The following PACRG variants were observed in gnomAD, a reference collection of about 807,000 sequenced individuals.
The protein encoded by PACRG is parkin coregulated gene protein.
PACRG carries 29 observed loss-of-function variants against 29.7 expected under a neutral mutation model. The observed-to-expected ratio is 0.98, with a 90% CI of 0.73 to 1.33. PACRG has a LOEUF of 1.33. Ranked by LOEUF, PACRG falls within the 40% of genes most tolerant of loss-of-function variation. The pLI is 0.00. For synonymous variants in PACRG, 116 were observed against 118.7 expected (o/e 0.98, Z 0.15); for missense variants, 279 against 316.2 (o/e 0.88, Z 0.89).
At chr6:163,173,940 C>T (rs1437162309) in intron 4 of PACRG, among the ~76,000 whole-genome samples, 1 of 152,194 alleles carries the variant, frequency 6.6e-6, no homozygotes, top group African/African-American at 2.4e-5. Context: ...CCCTGGAGCA[C>T]GTATCAGCTG....
chr6:162,907,180 G>A (rs192651175), intron 2 of PACRG, among the ~76,000 whole-genome samples: 9 of 151,992 alleles, frequency 5.9e-5, no homozygotes, highest in Admixed American at 5.2e-4. Context: ...CAGACATTTT[G>A]TCCTGGAAAA....
intron 1 of PACRG, among the ~76,000 whole-genome samples, chr6:162,776,015 A>G (rs1396965398): frequency 6.6e-6 from 1 of 152,222 alleles, no homozygotes; most frequent in Non-Finnish European, 1.5e-5. Context: ...ATATAAAATT[A>G]GGTGAGAAAC....
chr6:163,029,735 G>T (rs1807480568), intron 2 of PACRG, among the ~76,000 whole-genome samples: 1 of 152,162 alleles, frequency 6.6e-6, no homozygotes. Context: ...AAGGGGAGCT[G>T]CAGACCCTCT....
intron 2 of PACRG, among the ~76,000 whole-genome samples, chr6:163,024,300 G>A (rs566778621): frequency 5.9e-5 from 9 of 152,052 alleles, no homozygotes; most frequent in Middle Eastern, 3.2e-3. Context: ...ATGACTAGCC[G>A]GTTATCCCAG....
Position 162,728,367 on chromosome 6 carries a change from C to A in PACRG, c.132C>A (p.Val44=), listed in dbSNP as rs766075235. The change falls in exon 1 of 5, where the codon GTC becomes GTA. Residue 44 remains valine (V), a synonymous_variant. Coordinates refer to ENST00000366888, the MANE Select transcript of PACRG (RefSeq NM_001080379.2). The part of the protein sequence containing the change: ...PHSLVSEGFT[V]KAMMKNSVVR... The stretch of plus-strand genomic sequence containing the variant: ...CTCTGGTTTCTGAGGGTTTCACAGT[C>A]AAAGCCATGATGAAAAACTCAGTCG... 3.7e-6 allele frequency: 6 copies of A among 1,613,192 alleles called. No individual in the cohort carries two copies. The Admixed American group carries it at 1.0e-4, about 27-fold the overall frequency.
chr6:163,291,645 G>T (rs1199153082), intron 4 of PACRG, among the ~76,000 whole-genome samples: 1 of 152,262 alleles, frequency 6.6e-6, no homozygotes, highest in Non-Finnish European at 1.5e-5. Flanking sequence ...TATTTTCACA[G>T]TAACTTCAGA....
At chr6:162,924,980 G>A (rs1157808400) in intron 2 of PACRG, among the ~76,000 whole-genome samples, 3 of 152,004 alleles carry the variant, frequency 2.0e-5, no homozygotes, top group Middle Eastern at 3.2e-3. Flanking sequence ...AATAATAAAG[G>A]AGATATCACC....
intron 2 of PACRG, among the ~76,000 whole-genome samples, chr6:163,059,190 T>C (rs914465520): frequency 7.2e-5 from 11 of 152,348 alleles, no homozygotes; most frequent in African/African-American, 2.2e-4. Flanking sequence ...AGAGATAATT[T>C]CTTTTCTCTT....
intron 4 of PACRG, among the ~76,000 whole-genome samples, chr6:163,114,934 T>A (rs1426272822): frequency 6.6e-6 from 1 of 152,012 alleles, no homozygotes; most frequent in Non-Finnish European, 1.5e-5. Context: ...CATTTCACAA[T>A]GTATTCATAT....
intron 4 of PACRG, among the ~76,000 whole-genome samples, chr6:163,270,140 A>G (rs908960116): frequency 3.3e-5 from 5 of 152,192 alleles, no homozygotes; most frequent in African/African-American, 1.2e-4. Context: ...TAGACAGATC[A>G]GTATAACAGA....
At chr6:162,944,685 A>G (rs1210770819) in intron 2 of PACRG, among the ~76,000 whole-genome samples, 2 of 152,304 alleles carry the variant, frequency 1.3e-5, no homozygotes, top group South Asian at 4.1e-4. Context: ...AAATTTTAAA[A>G]TATGTTTGAA....
chr6:162,846,064 C>T (rs1562656992), intron 2 of PACRG, among the ~76,000 whole-genome samples: 2 of 152,072 alleles, frequency 1.3e-5, no homozygotes, highest in East Asian at 3.9e-4. Context: ...GGGTCTGACC[C>T]CAGCGAAGGG....
At chr6:163,026,700 A>C (rs1010401538) in intron 2 of PACRG, among the ~76,000 whole-genome samples, 13 of 152,330 alleles carry the variant, frequency 8.5e-5, no homozygotes, top group African/African-American at 3.1e-4. Flanking sequence ...GGGAGGGATT[A>C]TGCCCATCCT....
chr6:163,172,348 G>A (rs555490797), intron 4 of PACRG, among the ~76,000 whole-genome samples: 1 of 152,288 alleles, frequency 6.6e-6, no homozygotes, highest in Admixed American at 6.5e-5. Flanking sequence ...CAACAAAGAT[G>A]ATGGGATTTT....
chr6:163,293,354 G>T (rs926505078), intron 4 of PACRG, among the ~76,000 whole-genome samples: 6 of 152,202 alleles, frequency 3.9e-5, no homozygotes, highest in African/African-American at 1.2e-4. Flanking sequence ...GGAACATCCA[G>T]AGGCCCAAAG....
At chr6:163,185,506 T>C (rs1242757580) in intron 4 of PACRG, among the ~76,000 whole-genome samples, 3 of 152,160 alleles carry the variant, frequency 2.0e-5, no homozygotes, top group Non-Finnish European at 2.9e-5. Context: ...TCACTGCAAA[T>C]ATATAAGCCA....
At chr6:163,071,993 A>G (rs981462160) in intron 3 of PACRG, among the ~76,000 whole-genome samples, 3 of 152,024 alleles carry the variant, frequency 2.0e-5, no homozygotes, top group Non-Finnish European at 2.9e-5. Context: ...CTTGAATTCT[A>G]CCAGACATTT....
intron 1 of PACRG, among the ~76,000 whole-genome samples, chr6:162,735,190 G>A (rs1293033241): frequency 2.0e-5 from 3 of 152,120 alleles, no homozygotes; most frequent in African/African-American, 4.8e-5. Flanking sequence ...GTTACAAATA[G>A]CACTGCTAGG....
At position 162,827,966 on chromosome 6, in the gene PACRG, C is replaced by T. The variant is rs148779953; in HGVS notation, c.291+13685C>T. ...ATAGTGATCTGTTTTCACATCTCCC[C>T]TCAAGATGGGGGACTGCAGAAGAAC... On this transcript the variant is annotated intron_variant, in intron 2 of 4. Coordinates refer to ENST00000366888, the MANE Select transcript of PACRG (RefSeq NM_001080379.2). Among the ~76,000 whole-genome samples, 814 of 152,228 alleles carry T rather than the reference C, an allele frequency of 5.3e-3. 10 individuals are homozygous for T. Among genetic ancestry groups the T allele is most frequent in the African/African-American group, 0.019 (779 of 41,536 alleles).
Sources: allele counts gnomAD v4.1 joint callset (sites outside exome capture counted in the v4.1 genomes callset), GRCh38; gene constraint gnomAD v4.1.1; transcripts MANE v1.5; gene names NCBI Gene and HGNC (gene_info 2026-07-23, HGNC 2026-07-21).